Variants in TLE2 observed in about 807,000 individuals in gnomAD.
TLE2 encodes transducin-like enhancer protein 2.
A neutral mutation model predicts 97.2 loss-of-function variants in TLE2; 74 were observed. The ratio of observed to expected loss-of-function variants is 0.76; its 90% CI spans 0.63 to 0.92. The LOEUF is 0.92. TLE2 is among the 40% of genes least tolerant of loss of function. The probability of loss-of-function intolerance (pLI) is 0.00; values close to 1 mark genes in which losing one functional copy is unlikely to be tolerated. For synonymous variants in TLE2, 499 were observed against 432.1 expected (o/e 1.15, Z -1.92); for missense variants, 1,038 against 1,008.7 (o/e 1.03, Z -0.39).
chr19:3,029,560 G>GC, upstream of TLE2: 1 of 728,298 alleles, frequency 1.4e-6, no homozygotes, highest in Non-Finnish European at 1.6e-6. Context: ...CGTGGGAGCG[G>GC]GGGGGGGGGC....
At chr19:3,046,056 A>G (rs941095799), upstream of TLE2, among the ~76,000 whole-genome samples, 1 of 152,190 alleles carries the variant, frequency 6.6e-6, no homozygotes, top group African/African-American at 2.4e-5. Context: ...TCTTTATGAT[A>G]TCTTTGCCTT....
chr19:3,015,718 GCTC>G lies in TLE2; in HGVS notation c.610_612del (p.Glu204del), dbSNP rs779003684. 1.2e-6 allele frequency: 2 copies of G among 1,611,114 alleles called. No individual in the cohort carries two copies. Among genetic ancestry groups the G allele is most frequent in the Non-Finnish European group, 8.5e-7 (1 of 1,179,242 alleles). ...CCGCCACCACCAGGGCCACTCGGTC[GCTC>G]CTCCTCCACGAGACTCTCAGGGGGC... is the stretch of plus-strand genomic sequence containing the variant. On this transcript the variant is annotated inframe_deletion, in exon 9 of 20. Coordinates refer to ENST00000262953, the MANE Select transcript of TLE2 (RefSeq NM_003260.5).
intron 8 of TLE2, among the ~76,000 whole-genome samples, chr19:3,016,248 T>G (rs958634935): frequency 1.3e-5 from 2 of 150,342 alleles, no homozygotes; most frequent in Non-Finnish European, 3.0e-5. Context: ...TTACTTCTTC[T>G]GCAACCTCTC....
chr19:3,040,828 G>C (rs780823046), intron 1 of TLE2, among the ~76,000 whole-genome samples: 31 of 150,068 alleles, frequency 2.1e-4, no homozygotes, highest in Non-Finnish European at 4.1e-4. Flanking sequence ...GTAGAGATGG[G>C]GTCTTGCTAT....
rs566083547 is a variant in TLE2, at chr19:3,011,062, G to A, written c.972C>T (p.Cys324=). 2.4e-5 allele frequency: 39 copies of A among 1,607,476 alleles called. No individual in the cohort carries two copies. In the African/African-American group the frequency reaches 5.1e-4, roughly 21 times the overall value. ...TPGPSSASHL[C]QLAAKPAPST... ...AAGGTGCTGGCTTGGCAGCAAGCTG[G>A]CAGAGGTGACTGGCCGAGCTGGGCC... Residue 324 remains cysteine (C), a synonymous_variant, in exon 12 of 20, where the codon TGC becomes TGT. Coordinates refer to ENST00000262953, the MANE Select transcript of TLE2 (RefSeq NM_003260.5).
At position 3,008,979 on chromosome 19, in the gene TLE2, G is replaced by T. The variant is rs1458378100; in HGVS notation, c.1174-34C>A. The T allele has an allele frequency of 2.0e-6, 3 of 1,529,722 alleles. No homozygotes were observed. In the South Asian group the frequency reaches 3.7e-5, roughly 19 times the overall value. The allele number at this position is 1,529,722 out of a possible 1,614,324, so 94.8% of individuals were successfully genotyped here. ...ATGCCAGGGGGGTGTCAGTGAGGCA[G>T]GTGACTCCAACCCACCTCTGTGCCA... On this transcript the variant is annotated intron_variant, in intron 13 of 19. Coordinates refer to ENST00000262953, the MANE Select transcript of TLE2 (RefSeq NM_003260.5).
intron 4 of TLE2, chr19:3,025,506 CA>C: frequency 1.0e-6 from 1 of 1,001,468 alleles, no homozygotes; most frequent in South Asian, 4.5e-5. Flanking sequence ...ACGTCTGTCC[CA>C]GGCAAGGCCC....
chr19:3,027,931 A>T, intron 3 of TLE2, 58 bp from the exon 4 acceptor site: 1 of 1,527,410 alleles, frequency 6.5e-7, no homozygotes, highest in African/African-American at 1.4e-5. Context: ...CCTCCTCCAG[A>T]TAGGTGATGC....
upstream of TLE2, among the ~76,000 whole-genome samples, chr19:3,033,413 C>T (rs1482632148): frequency 6.6e-6 from 1 of 151,988 alleles, no homozygotes; most frequent in Non-Finnish European, 1.5e-5. Flanking sequence ...GTGATCCGCC[C>T]GCCTCAGCCT....
chr19:3,036,676 G>A (rs1043085322), intron 1 of TLE2, among the ~76,000 whole-genome samples: 1 of 152,260 alleles, frequency 6.6e-6, no homozygotes, highest in African/African-American at 2.4e-5. Flanking sequence ...CATCTCCCTA[G>A]AACCTCCAGG....
chr19:3,026,592 TGAACCCTGAGGTCAATCTCA>T (rs144068393), intron 4 of TLE2, among the ~76,000 whole-genome samples: 39,679 of 147,252 alleles, frequency 0.27, 5,418 homozygotes, highest in African/African-American at 0.35. Flanking sequence ...GGTCTATCTC[TGAACCCTGAGGTCAATCTCA>T]GAACCCTGAG....
chr19:3,011,588 G>A (rs545597353), intron 11 of TLE2, among the ~76,000 whole-genome samples: 6 of 149,272 alleles, frequency 4.0e-5, no homozygotes, highest in Non-Finnish European at 1.5e-5. Flanking sequence ...AGTGGCTCAC[G>A]CCTGTAATCC....
intron 15 of TLE2, 112 bp from the exon 16 acceptor site, chr19:3,006,080 C>G (rs1413182407): frequency 7.6e-7 from 1 of 1,318,480 alleles, no homozygotes; most frequent in Non-Finnish European, 1.1e-6. Flanking sequence ...CCTGATTAGC[C>G]TGCAAGCCCT....
intron 12 of TLE2, 148 bp from the exon 13 acceptor site, chr19:3,009,850 A>C (rs543508265): frequency 1.2e-6 from 1 of 849,378 alleles, no homozygotes; most frequent in Non-Finnish European, 1.7e-6. Flanking sequence ...AGACCTCTGC[A>C]CTATCGTTCC....
At chr19:3,034,796 A>G (rs2090050536) in intron 1 of TLE2, among the ~76,000 whole-genome samples, 1 of 152,086 alleles carries the variant, frequency 6.6e-6, no homozygotes, top group East Asian at 1.9e-4. Context: ...CTGGATTCCT[A>G]GAGAAGATCC....
intron 4 of TLE2, chr19:3,025,775 G>T: frequency 4.6e-6 from 1 of 219,254 alleles, no homozygotes; most frequent in Non-Finnish European, 7.7e-6. Flanking sequence ...ATTCCCACCA[G>T]GAGGGTGGAA....
At chr19:3,046,146 A>T (rs2090139598), upstream of TLE2, among the ~76,000 whole-genome samples, 1 of 152,208 alleles carries the variant, frequency 6.6e-6, no homozygotes, top group African/African-American at 2.4e-5. Context: ...GCCCTGACTT[A>T]TTCCTGCCCT....
intron 7 of TLE2, among the ~76,000 whole-genome samples, chr19:3,018,328 G>C (rs775116494): frequency 1.3e-5 from 2 of 151,246 alleles, no homozygotes; most frequent in African/African-American, 2.4e-5. Flanking sequence ...TTATGAATGA[G>C]ACAGAGTCTC....
upstream of TLE2, among the ~76,000 whole-genome samples, chr19:3,032,408 TTA>T (rs1428042114): frequency 6.6e-6 from 1 of 151,980 alleles, no homozygotes; most frequent in Admixed American, 6.6e-5. The surrounding 1 kb of genome is among the most constrained non-coding windows in gnomAD (Gnocchi z 4.1). Context: ...TGGCTAATTT[TTA>T]TGTTTTTAGT....
Sources: gnomAD v4.1 joint callset for allele counts (sites outside exome capture counted in the v4.1 genomes callset) on GRCh38, gnomAD v4.1.1 for gene constraint, Gnocchi (gnomAD v3.1) non-coding constraint, MANE v1.5 for transcripts, NCBI Gene and HGNC (gene_info 2026-07-23, HGNC 2026-07-21) for gene names.